Variants in DNAJB1 observed in about 807,000 individuals in gnomAD.
DNAJB1 encodes dnaJ homolog subfamily B member 1.
DNAJB1 carries 14 observed loss-of-function variants against 24.0 expected under a neutral mutation model. That is an observed-to-expected ratio of 0.58 (90% CI 0.39 to 0.91). The LOEUF is 0.91. Ranked by LOEUF, DNAJB1 falls within the 40% of genes least tolerant of loss-of-function variation. The pLI is 0.00. For synonymous variants in DNAJB1, 262 were observed against 174.4 expected (o/e 1.50, Z -3.96); for missense variants, 517 against 458.1 (o/e 1.13, Z -1.17).
upstream of DNAJB1, among the ~76,000 whole-genome samples, chr19:14,521,055 A>C (rs1231972605): frequency 2.0e-5 from 3 of 152,200 alleles, no homozygotes; most frequent in Non-Finnish European, 4.4e-5. Flanking sequence ...AGAGCTTGTG[A>C]CTTTATAAAC....
At chr19:14,518,410 T>G, upstream of DNAJB1, 2 of 1,464,776 alleles carry the variant, frequency 1.4e-6, no homozygotes, top group South Asian at 2.7e-5. Context: ...CGCCGACCAG[T>G]CCCGGACTCT....
Position 14,516,001 on chromosome 19 carries a change from A to C in DNAJB1, c.962T>G (p.Ile321Ser), listed in dbSNP as rs199744224. ...TGTCTGGGGAATCCTTTCGGGGAAG[A>C]TCACTTCAAACTCAATAATGAGGTC... is the stretch of plus-strand genomic sequence containing the variant. ...RGDLIIEFEV[I>S]FPERIPQTSR... Residue 321 changes from isoleucine to serine, a missense_variant, in exon 3 of 3, where the codon ATC becomes AGC. Transcript: ENST00000254322. 1.1e-5 allele frequency: 18 copies of C among 1,610,460 alleles called. No individual in the cohort carries two copies. Among genetic ancestry groups the C allele is most frequent in the Non-Finnish European group, 2.5e-6 (3 of 1,179,054 alleles).
chr19:14,531,875 G>A (rs2072680199), upstream of DNAJB1: 1 of 152,058 alleles, frequency 6.6e-6, no homozygotes, highest in African/African-American at 2.4e-5. Flanking sequence ...TAAACCTGTA[G>A]TCCCACTACT....
chr19:14,550,618 A>G (rs1442460405), upstream of DNAJB1, among the ~76,000 whole-genome samples: 1 of 151,968 alleles, frequency 6.6e-6, no homozygotes, highest in African/African-American at 2.4e-5. Flanking sequence ...TGGGGAGTTG[A>G]GTGTTTGGCC....
intron 1 of DNAJB1, chr19:14,517,847 C>T (rs951136138): frequency 8.5e-5 from 27 of 319,266 alleles, no homozygotes; most frequent in African/African-American, 5.6e-4. Flanking sequence ...CCCCCGGCTC[C>T]CCCACCCCCA....
intron 1 of DNAJB1, among the ~76,000 whole-genome samples, chr19:14,558,244 C>T (rs896378850): frequency 6.6e-6 from 1 of 152,164 alleles, no homozygotes; most frequent in African/African-American, 2.4e-5. Context: ...ACCAGGCGGG[C>T]GGGTTCCCAG....
At chr19:14,542,422 T>G in intron 1 of DNAJB1, among the ~76,000 whole-genome samples, 1 of 134,082 alleles carries the variant, frequency 7.5e-6, no homozygotes. Flanking sequence ...AGTGCAGTGG[T>G]GCAATCTCGG....
intron 1 of DNAJB1, among the ~76,000 whole-genome samples, chr19:14,528,474 G>A (rs1040318721): frequency 6.6e-6 from 1 of 151,444 alleles, no homozygotes; most frequent in Non-Finnish European, 1.5e-5. Context: ...TCCTCACCTC[G>A]TGATCTGCCC....
chr19:14,532,940 T>C (rs1359506099), upstream of DNAJB1, among the ~76,000 whole-genome samples: 2 of 151,466 alleles, frequency 1.3e-5, no homozygotes, highest in African/African-American at 4.9e-5. Context: ...TGAAACCTCG[T>C]CTCTACTAAA....
chr19:14,558,310 C>A (rs1032791975), intron 1 of DNAJB1, among the ~76,000 whole-genome samples: 1 of 152,178 alleles, frequency 6.6e-6, no homozygotes, highest in East Asian at 1.9e-4. Flanking sequence ...CTCCTGCCCC[C>A]ATTAGTAATA....
intron 1 of DNAJB1, among the ~76,000 whole-genome samples, chr19:14,549,126 G>A (rs73002859): frequency 0.014 from 2,154 of 151,006 alleles, 42 homozygotes; most frequent in South Asian, 0.037. Context: ...GTAGACCAGA[G>A]TTGCCCTATC....
At chr19:14,520,402 T>G (rs2072346440), upstream of DNAJB1, among the ~76,000 whole-genome samples, 1 of 152,114 alleles carries the variant, frequency 6.6e-6, no homozygotes, top group African/African-American at 2.4e-5. Context: ...ATTGTGCCAC[T>G]GCACTCCAGC....
At chr19:14,538,242 A>G (rs1291884849) in intron 1 of DNAJB1, among the ~76,000 whole-genome samples, 2 of 152,126 alleles carry the variant, frequency 1.3e-5, no homozygotes, top group African/African-American at 2.4e-5. Flanking sequence ...CACTGGGGAA[A>G]GAATCAAGTG....
chr19:14,534,153 C>T (rs926890030), upstream of DNAJB1: 3 of 151,372 alleles, frequency 2.0e-5, no homozygotes, highest in African/African-American at 7.3e-5. Flanking sequence ...TACACAGAGT[C>T]TCGCACTCTC....
chr19:14,553,184 C>T (rs143975126), upstream of DNAJB1, among the ~76,000 whole-genome samples: 269 of 152,292 alleles, frequency 1.8e-3, 1 homozygote, highest in Middle Eastern at 3.4e-3. Flanking sequence ...TGGATTGCTA[C>T]CTGCTCGCTC....
rs147847192 is a variant in DNAJB1 at position 14,540,469 on chromosome 19, T to C, written c.-214+9739A>G. ...GTGCAGTGGTGCGATCTTGGCTCTC[T>C]GCAACCTCTGCGTCTGGGATTCAAG... is the stretch of plus-strand genomic sequence containing the variant. On this transcript the variant is annotated intron_variant, in intron 1 of 3. Transcript: ENST00000676982. Among the ~76,000 whole-genome samples the C allele has an allele frequency of 3.3e-5, 5 of 151,540 alleles. No individual in the cohort carries two copies. The East Asian group carries it at 7.8e-4, about 24-fold the overall frequency.
At chr19:14,547,561 C>T (rs1360093198) in intron 1 of DNAJB1, among the ~76,000 whole-genome samples, 1 of 152,076 alleles carries the variant, frequency 6.6e-6, no homozygotes, top group Non-Finnish European at 1.5e-5. Flanking sequence ...GAGTTTTCAC[C>T]ATGTTAGCTA....
chr19:14,536,264 C>G (rs1472642819), intron 1 of DNAJB1, among the ~76,000 whole-genome samples: 2 of 140,570 alleles, frequency 1.4e-5, no homozygotes, highest in Non-Finnish European at 3.1e-5. Context: ...GTTTCTCGAG[C>G]TAGTTTTTTT....
In DNAJB1 at chr19:14,516,013, T is replaced by C. The variant is rs2072251548; in HGVS notation, c.950A>G (p.Glu317Gly). 1 of 1,611,058 alleles carries C rather than the reference T, an allele frequency of 6.2e-7. No individual in the cohort carries two copies. The highest frequency in any genetic ancestry group is 8.5e-7 in the Non-Finnish European group (1 of 1,179,168). ...TPEKRGDLII[E>G]FEVIFPERIP... ...CCTTTCGGGGAAGATCACTTCAAAC[T>C]CAATAATGAGGTCCCCACGTTTCTC... The change falls in exon 3 of 3, where the codon GAG (glutamate) becomes GGG (glycine). Residue 317 changes from glutamate (E) to glycine (G), a missense_variant. Physicochemically the swap from Glu to Gly is moderately conservative, Grantham distance 98 (BLOSUM62 -2). Coordinates refer to ENST00000254322, the MANE Select transcript of DNAJB1 (RefSeq NM_006145.3).
Sources: gnomAD v4.1 joint callset for allele counts (sites outside exome capture counted in the v4.1 genomes callset) on GRCh38, gnomAD v4.1.1 for gene constraint, MANE v1.5 for transcripts, NCBI Gene and HGNC (gene_info 2026-07-23, HGNC 2026-07-21) for gene names.